Variants in ATM observed in about 807,000 individuals in gnomAD.
ATM encodes ATM serine/threonine kinase.
Under a neutral mutation model 387.0 loss-of-function variants are expected in ATM, and 308 were observed. That is an observed-to-expected ratio of 0.80 (90% confidence interval 0.73 to 0.87). The LOEUF (loss-of-function observed/expected upper bound fraction) is 0.87, where lower values mean the gene tolerates loss of function less well. Ranked by LOEUF, ATM falls within the 40% of genes least tolerant of loss-of-function variation. The pLI is 0.00. For synonymous variants in ATM, 1,156 were observed against 1,187.3 expected, an observed-to-expected ratio of 0.97 and a Z score of 0.54; for missense variants, 3,312 against 3,560.9, an observed-to-expected ratio of 0.93 and a Z score of 1.78.
chr11:108,275,589 T>A (rs1447761482), intron 22 of ATM, among the ~76,000 whole-genome samples: 3 of 152,232 alleles, frequency 2.0e-5, no homozygotes, highest in Non-Finnish European at 4.4e-5. Flanking sequence ...TTTGCTTGTC[T>A]ATAAAGGATT....
chr11:108,334,002 C>T (rs761930835), intron 54 of ATM, 34 bp downstream of exon 54: 1 of 1,527,544 alleles, frequency 6.5e-7, no homozygotes, highest in South Asian at 1.1e-5. Context: ...TTTTTTTAAA[C>T]TAAATTTTTT....
intron 16 of ATM, among the ~76,000 whole-genome samples, chr11:108,263,975 TG>T (rs1389563600): frequency 6.7e-6 from 1 of 148,156 alleles, no homozygotes; most frequent in Non-Finnish European, 1.5e-5. Context: ...GATCAGAAAT[TG>T]TGGCAATAAT....
At chr11:108,339,643 A>G (rs58937701) in intron 56 of ATM, among the ~76,000 whole-genome samples, 8,708 of 152,116 alleles carry the variant, frequency 0.057, 805 homozygotes, top group African/African-American at 0.2. Flanking sequence ...TTCTCCAACA[A>G]CCAACATCAC....
chr11:108,339,668 G>A (rs2136819424), intron 56 of ATM, among the ~76,000 whole-genome samples: 1 of 152,188 alleles, frequency 6.6e-6, no homozygotes, highest in African/African-American at 2.4e-5. Flanking sequence ...GAGACTCTAA[G>A]CTGAGGTAGA....
intron 14 of ATM, among the ~76,000 whole-genome samples, chr11:108,257,246 T>G (rs907243844): frequency 3.9e-5 from 6 of 152,248 alleles, no homozygotes; most frequent in Admixed American, 2.6e-4. Context: ...GGTAGTACTC[T>G]GTCACTGGTA....
chr11:108,335,291 C>G (rs2086714464), intron 55 of ATM, 182 bp downstream of exon 55: 1 of 1,509,160 alleles, frequency 6.6e-7, no homozygotes, highest in African/African-American at 1.4e-5. Flanking sequence ...TTTTTTGTGT[C>G]TCTGAAAGAC....
chr11:108,270,466 C>T (rs1222293679), intron 18 of ATM, among the ~76,000 whole-genome samples: 1 of 152,116 alleles, frequency 6.6e-6, no homozygotes, highest in Non-Finnish European at 1.5e-5. Flanking sequence ...CTCTAATCCT[C>T]ACAGTTATCT....
rs543130836 is a variant in ATM, at chr11:108,240,409, C to G, written c.497-3544C>G. The stretch of plus-strand genomic sequence containing the variant: ...CAGCATGTCATATACAGTTGTGCGT[C>G]TCTTAACAATGTGGATATGTTCTGA... On this transcript the variant is annotated intron_variant, in intron 5 of 62. Transcript: ENST00000675843. Among the ~76,000 whole-genome samples the G allele has an allele frequency of 2.0e-5, 3 of 152,244 alleles. No individual in the cohort carries two copies. In the East Asian group the frequency reaches 5.8e-4, roughly 29 times the overall value.
intron 11 of ATM, 92 bp downstream of exon 11, chr11:108,252,123 A>G: frequency 2.7e-6 from 3 of 1,121,878 alleles, no homozygotes; most frequent in South Asian, 1.4e-5. Flanking sequence ...TTATTTTATA[A>G]TAATAATGCA....
At chr11:108,292,010 A>G (rs1262716963) in intron 29 of ATM, among the ~76,000 whole-genome samples, 4 of 152,160 alleles carry the variant, frequency 2.6e-5, no homozygotes, top group South Asian at 2.1e-4. Flanking sequence ...CTTTTGCCCT[A>G]TGCACCTGCA....
chr11:108,328,887 C>A, intron 48 of ATM, 134 bp from the exon 49 acceptor site: 2 of 1,016,172 alleles, frequency 2.0e-6, no homozygotes, highest in Non-Finnish European at 1.5e-6. Flanking sequence ...GACAAGTTTG[C>A]AATAGTTCAT....
chr11:108,321,963 C>T (rs1312026960), intron 45 of ATM, among the ~76,000 whole-genome samples: 1 of 152,018 alleles, frequency 6.6e-6, no homozygotes, highest in Non-Finnish European at 1.5e-5. Flanking sequence ...ATAACTTTTT[C>T]CCTGGCCTAC....
chr11:108,289,031 A>G lies in ATM; in HGVS notation c.4164A>G (p.Ala1388=), dbSNP rs778721327. ...ATTTTCCATCGCATGTGATTAAAGC[A>G]ACATTTGCCTATATCAGCAATTGTC... is the stretch of plus-strand genomic sequence containing the variant. ...PPHFPSHVIK[A]TFAYISNCHK... The change falls in exon 28 of 63, where the codon GCA becomes GCG. Residue 1388 remains alanine, a synonymous_variant. Coordinates refer to ENST00000675843, the MANE Select transcript of ATM (RefSeq NM_000051.4). The G allele has an allele frequency of 3.1e-6, 5 of 1,613,416 alleles. No homozygotes were observed. The highest frequency in any genetic ancestry group is 3.4e-6 in the Non-Finnish European group (4 of 1,179,514).
chr11:108,335,361 C>T, intron 55 of ATM: 1 of 1,185,056 alleles, frequency 8.4e-7, no homozygotes, highest in Non-Finnish European at 1.1e-6. Flanking sequence ...CAGACATGTA[C>T]AGTGAGGTTG....
At position 108,312,073 on chromosome 11, in the gene ATM, T is replaced by C. The variant is rs559077054; in HGVS notation, c.5919-338T>C. ...GTCTTTATTTGTGTGTCTGTAATTA[T>C]TGATTGGGTTGAATTTCAGGTGAAA... On this transcript the variant is annotated intron_variant, in intron 39 of 62. Coordinates refer to ENST00000675843, the MANE Select transcript of ATM (RefSeq NM_000051.4). 3.0e-3 allele frequency among the ~76,000 whole-genome samples: 454 copies of C among 152,330 alleles called. 1 individual carries two copies. The highest frequency in any genetic ancestry group is 0.011 in the South Asian group (55 of 4,824).
chr11:108,330,223 A>T lies in ATM; in HGVS notation c.7317A>T (p.Val2439=), dbSNP rs878853542. Residue 2439 remains valine, a synonymous_variant, in exon 50 of 63, where the codon GTA becomes GTT. Transcript: ENST00000675843. ...EHKIQTNRYT[V]KVQRELELDE... ...AATTATTCTATGCAAGATACACAGT[A>T]AAGGTTCAGCGAGAGCTGGAGTTGG... 1 of 1,614,054 alleles carries T rather than the reference A, an allele frequency of 6.2e-7. No individual in the cohort carries two copies. Among genetic ancestry groups the T allele is most frequent in the Non-Finnish European group, 8.5e-7 (1 of 1,179,936 alleles).
chr11:108,306,629 TA>T (rs1258696733), intron 37 of ATM, among the ~76,000 whole-genome samples: 1 of 152,238 alleles, frequency 6.6e-6, no homozygotes, highest in Non-Finnish European at 1.5e-5. Flanking sequence ...ATATTTTTAT[TA>T]CCTTAAGTGA....
intron 22 of ATM, among the ~76,000 whole-genome samples, chr11:108,273,807 T>G (rs560436086): frequency 6.6e-6 from 1 of 152,326 alleles, no homozygotes; most frequent in East Asian, 1.9e-4. Flanking sequence ...CACATCGATG[T>G]TCATCACGGA....
intron 61 of ATM, among the ~76,000 whole-genome samples, chr11:108,360,037 G>A (rs1163764511): frequency 7.6e-4 from 115 of 151,856 alleles, no homozygotes; most frequent in African/African-American, 2.7e-3. Context: ...CAACAAAATT[G>A]ATAGACCGCT....
Sources: gnomAD v4.1 joint callset for allele counts (sites outside exome capture counted in the v4.1 genomes callset) on GRCh38, gnomAD v4.1.1 for gene constraint, MANE v1.5 for transcripts, NCBI Gene and HGNC (gene_info 2026-07-23, HGNC 2026-07-21) for gene names.